SIN3B: variants seen among roughly 807,000 people sequenced by gnomAD.
SIN3B encodes the protein SIN3 transcription regulator family member B.
SIN3B carries 19 observed loss-of-function variants against 120.2 expected under a neutral mutation model. That is an observed-to-expected ratio of 0.16 (90% confidence interval 0.11 to 0.23). SIN3B has a LOEUF of 0.23. Among genes scored for constraint, SIN3B ranks in the 10% least tolerant of loss-of-function variants. The probability of loss-of-function intolerance (pLI) is 1.00; values close to 1 mark genes in which losing one functional copy is unlikely to be tolerated. For missense variants in SIN3B, 1,073 were observed against 1,573.0 expected (o/e 0.68, Z 5.38); for synonymous variants, 654 against 653.2 (o/e 1.00, Z -0.02).
chr19:16,863,753 C>T lies in SIN3B; in HGVS notation c.1340C>T (p.Pro447Leu), dbSNP rs746657713. 10 of 1,614,156 alleles carry T rather than the reference C, an allele frequency of 6.2e-6. No homozygotes were observed. The highest frequency in any genetic ancestry group is 3.3e-5 in the Admixed American group (2 of 60,022). ...DSTFVSSKKT[P>L]YEEQLHRCED... ...ACGTTCGTCAGCTCCAAGAAGACACCGTACGAGGAGCAGCTTCACCGCTGT... is the reference window on the plus strand; with the variant it reads ...ACGTTCGTCAGCTCCAAGAAGACACTGTACGAGGAGCAGCTTCACCGCTGT... The change falls in exon 10 of 19, where the codon CCG becomes CTG. Residue 447 changes from proline to leucine, a missense_variant. Pro to Leu is a moderately conservative substitution (Grantham distance 98, BLOSUM62 -3). Coordinates refer to ENST00000248054, the MANE Select transcript of SIN3B (RefSeq NM_001297595.2).
rs1971259778 is a variant in SIN3B at position 16,830,032 on chromosome 19, C to T, written c.227+135C>T. ...GCAGGTTGTCCAATCTCTCAGAGCC[C>T]TAGCTCCTTCTCGTAACAAAAATGG... On this transcript the variant is annotated intron_variant, in intron 2 of 18. Coordinates refer to ENST00000248054, the MANE Select transcript of SIN3B (RefSeq NM_001297595.2). 2 of 617,808 alleles carry T rather than the reference C, an allele frequency of 3.2e-6. 1 individual carries two copies. The highest frequency in any genetic ancestry group is 3.9e-5 in the South Asian group (2 of 51,918). 38.3% of individuals were successfully genotyped at this position (617,808 alleles called of 1,614,324 possible).
intron 8 of SIN3B, among the ~76,000 whole-genome samples, chr19:16,857,401 A>G (rs1173906058): frequency 6.6e-6 from 1 of 152,110 alleles, no homozygotes; most frequent in African/African-American, 2.4e-5. Context: ...TTTATGTAAA[A>G]TTAAATGAGC....
intron 5 of SIN3B, among the ~76,000 whole-genome samples, chr19:16,850,305 A>G (rs1372127023): frequency 6.6e-6 from 1 of 152,170 alleles, no homozygotes; most frequent in East Asian, 1.9e-4. Context: ...GTTCTTAGTC[A>G]TTCTTCTCAG....
At chr19:16,866,050 A>G (rs1463441380) in intron 11 of SIN3B, among the ~76,000 whole-genome samples, 3 of 152,176 alleles carry the variant, frequency 2.0e-5, no homozygotes, top group Non-Finnish European at 2.9e-5. Flanking sequence ...GGGATTATGC[A>G]GCTGAGTGAG....
rs756574150 is a variant in SIN3B at position 16,863,799 on chromosome 19, G to A, written c.1383+3G>A. The stretch of plus-strand genomic sequence containing the variant: ...GCTGTGAGGACGAGCGCTTCGAGGT[G>A]TGTGTGCTGCTGTGGCCGGGTCCCC... On this transcript the variant is annotated splice_donor_region_variant and intron_variant, in intron 10 of 18. Coordinates refer to ENST00000248054, the MANE Select transcript of SIN3B (RefSeq NM_001297595.2). The A allele has an allele frequency of 4.3e-5, 69 of 1,610,022 alleles. No homozygotes were observed. The highest frequency in any genetic ancestry group is 5.8e-5 in the Non-Finnish European group (68 of 1,176,918).
intron 5 of SIN3B, 111 bp downstream of exon 5, chr19:16,847,224 G>C: frequency 8.2e-7 from 1 of 1,217,154 alleles, no homozygotes; most frequent in South Asian, 1.5e-5. Flanking sequence ...GGCCACACTA[G>C]GGTCCCCCAG....
intron 14 of SIN3B, among the ~76,000 whole-genome samples, chr19:16,871,889 C>T (rs770573679): frequency 5.3e-5 from 8 of 152,110 alleles, no homozygotes; most frequent in African/African-American, 1.2e-4. Context: ...GTTTTTGTTC[C>T]GTGTCCCTGT....
Position 16,878,735 on chromosome 19 carries a change from T to A in SIN3B, c.*8T>A. On this transcript the variant is annotated 3_prime_UTR_variant, in exon 19 of 19. Coordinates refer to ENST00000248054, the MANE Select transcript of SIN3B (RefSeq NM_001297595.2). ...CGCCCGGCCTCGCCCTGACCCGCCC[T>A]CATGGGCACCGGGCAGGCGCCTCAC... is the stretch of plus-strand genomic sequence containing the variant. 1 of 1,588,094 alleles carries A rather than the reference T, an allele frequency of 6.3e-7. No homozygotes were observed.
At chr19:16,850,340 T>C (rs1197707479) in intron 5 of SIN3B, among the ~76,000 whole-genome samples, 1 of 152,244 alleles carries the variant, frequency 6.6e-6, no homozygotes, top group Admixed American at 6.5e-5. Context: ...AAGTGTCTTG[T>C]ATATCTTTCC....
In SIN3B at chr19:16,854,997, G is replaced by A. The variant is rs754697511; in HGVS notation, c.1058+736G>A. The A allele has an allele frequency of 3.9e-5, 6 of 152,148 alleles. No homozygotes were observed. In the East Asian group the frequency reaches 9.6e-4, roughly 24 times the overall value. The allele number at this position is 152,148 out of a possible 1,614,324, so 9.4% of individuals were successfully genotyped here. ...TTGTTTATGTGTCAATTAGCTTGTG[G>A]CAAAATTGGTTTTGTTACACATCTT... On this transcript the variant is annotated intron_variant, in intron 8 of 18. Transcript: ENST00000248054.
chr19:16,878,043 G>A (rs949784586), intron 17 of SIN3B, 140 bp from the exon 18 acceptor site: 1 of 711,306 alleles, frequency 1.4e-6, no homozygotes, highest in African/African-American at 1.8e-5. Flanking sequence ...GGCATTTCTT[G>A]TTGCTTCCAT....
chr19:16,834,596 C>T (rs912480594), intron 3 of SIN3B, among the ~76,000 whole-genome samples: 1 of 152,134 alleles, frequency 6.6e-6, no homozygotes. Context: ...CATCGTGCTG[C>T]AGCCTGGGAA....
chr19:16,829,478 G>A lies in SIN3B; in HGVS notation c.58G>A (p.Gly20Arg), dbSNP rs1971249285. The A allele has an allele frequency of 2.5e-6, 3 of 1,219,362 alleles. No individual in the cohort carries two copies. The highest frequency in any genetic ancestry group is 4.3e-5 in the Admixed American group (1 of 23,216). The allele number at this position is 1,219,362 out of a possible 1,614,324, so 75.5% of individuals were successfully genotyped here. ...CGGTGCCGGCGGCCCCGCGGGCCGG[G>A]GGCTGAGCGGCGCCCGCTGGGGTCG... ...GSGAGGPAGRGLSGARWGRSG... is the reference protein window; with the variant it reads ...GSGAGGPAGRRLSGARWGRSG... The change falls in exon 1 of 19, where the codon GGG becomes AGG. Residue 20 changes from glycine to arginine, a missense_variant. Gly to Arg is a moderately radical substitution (Grantham distance 125). This residue lies in a region of SIN3B where 395 missense variants were observed against 528.0 expected (regional missense o/e 0.75). Transcript: ENST00000248054.
At chr19:16,841,084 G>C (rs1333329251) in intron 3 of SIN3B, among the ~76,000 whole-genome samples, 1 of 152,104 alleles carries the variant, frequency 6.6e-6, no homozygotes, top group Non-Finnish European at 1.5e-5. Flanking sequence ...CTCCTCCTCT[G>C]GGGGAGTGGT....
At chr19:16,849,458 T>C (rs1394784724) in intron 5 of SIN3B, among the ~76,000 whole-genome samples, 5 of 152,170 alleles carry the variant, frequency 3.3e-5, no homozygotes, top group Non-Finnish European at 7.4e-5. Flanking sequence ...ACAAAATGAA[T>C]GGGCATGACT....
chr19:16,836,145 G>A (rs1188878329), intron 3 of SIN3B, among the ~76,000 whole-genome samples: 2 of 152,112 alleles, frequency 1.3e-5, no homozygotes, highest in African/African-American at 4.8e-5. Context: ...TCTTTATGGC[G>A]AGGTGCCGTC....
At chr19:16,837,614 A>G (rs1472684378) in intron 3 of SIN3B, among the ~76,000 whole-genome samples, 1 of 151,788 alleles carries the variant, frequency 6.6e-6, no homozygotes, top group Non-Finnish European at 1.5e-5. Context: ...GGATGGTAAC[A>G]AGGACTGGAG....
In SIN3B at chr19:16,854,413, T is replaced by C. The variant is rs973281176; in HGVS notation, c.1058+152T>C. On this transcript the variant is annotated intron_variant, in intron 8 of 18. Transcript: ENST00000248054. ...TGATTGATATAATTATTGATTCCCA[T>C]GCATTTGTAAGGAGCAATACACCAC... 3.7e-5 allele frequency: 22 copies of C among 600,510 alleles called. No homozygotes were observed. In the South Asian group the frequency reaches 4.5e-4, roughly 12 times the overall value. The allele number at this position is 600,510 out of a possible 1,614,324, so 37.2% of individuals were successfully genotyped here. A position where few individuals can be genotyped will look rare whatever the true frequency, so the allele number is the denominator to read the frequency against.
chr19:16,876,726 G>A lies in SIN3B; in HGVS notation c.2859+148G>A, dbSNP rs1227559423. On this transcript the variant is annotated intron_variant, in intron 16 of 18. Coordinates refer to ENST00000248054, the MANE Select transcript of SIN3B (RefSeq NM_001297595.2). The surrounding 1 kb of genome is among the most constrained non-coding windows in gnomAD (Gnocchi z 7.1). ...AGGCTCTCCTTGAGGCCTGGTGGGT[G>A]GGGTTGCCTCCCTCCCTGCTCCCCC... 4 of 624,096 alleles carry A rather than the reference G, an allele frequency of 6.4e-6. No individual in the cohort carries two copies. The African/African-American group carries it at 7.5e-5, about 12-fold the overall frequency. The allele number at this position is 624,096 out of a possible 1,614,324, so 38.7% of individuals were successfully genotyped here.
Sources: gnomAD v4.1 joint callset for allele counts (sites outside exome capture counted in the v4.1 genomes callset) on GRCh38, gnomAD v4.1.1 for gene constraint, gnomAD v4.1.1 regional missense constraint, Gnocchi (gnomAD v3.1) non-coding constraint, MANE v1.5 for transcripts, NCBI Gene and HGNC (gene_info 2026-07-23, HGNC 2026-07-21) for gene names.